NMNAT2: variants seen among roughly 807,000 people sequenced by gnomAD.
NMNAT2 encodes the protein nicotinamide nucleotide adenylyltransferase 2.
In NMNAT2, 11 loss-of-function variants were observed where a neutral mutation model predicts 41.6. That is an observed-to-expected ratio of 0.26 (90% confidence interval 0.17 to 0.44). The LOEUF (loss-of-function observed/expected upper bound fraction) is 0.44. Ranked by LOEUF, NMNAT2 falls within the 20% of genes least tolerant of loss-of-function variation. The pLI is 1.00. For synonymous variants in NMNAT2, 148 were observed against 151.2 expected, an observed-to-expected ratio of 0.98 and a Z score of 0.16; for missense variants, 288 against 407.7, an observed-to-expected ratio of 0.71 and a Z score of 2.53.
intron 1 of NMNAT2, among the ~76,000 whole-genome samples, chr1:183,416,964 C>A (rs1345772927): frequency 5.3e-5 from 8 of 152,290 alleles, no homozygotes; most frequent in Non-Finnish European, 2.9e-5. Flanking sequence ...GCCTTGCTGG[C>A]GGGCCAGGTC....
intron 7 of NMNAT2, 125 bp downstream of exon 7, chr1:183,283,870 C>G: frequency 1.1e-6 from 1 of 889,348 alleles, no homozygotes; most frequent in Non-Finnish European, 1.9e-6. Context: ...ATCCCTCTTC[C>G]GAGAGGAGAC....
intron 1 of NMNAT2, among the ~76,000 whole-genome samples, chr1:183,404,135 G>A (rs572160268): frequency 7.2e-6 from 1 of 138,420 alleles, no homozygotes; most frequent in South Asian, 2.3e-4. Context: ...AGTTCACATC[G>A]TTGCTCAGGC....
chr1:183,278,902 T>A (rs1470865540), intron 7 of NMNAT2, among the ~76,000 whole-genome samples: 1 of 152,184 alleles, frequency 6.6e-6, no homozygotes, highest in Non-Finnish European at 1.5e-5. Context: ...CTGCCCTGGC[T>A]TTCCCAGGAC....
intron 1 of NMNAT2, among the ~76,000 whole-genome samples, chr1:183,338,149 T>TAAA (rs59064477): frequency 0.071 from 6,858 of 96,262 alleles, 753 homozygotes; most frequent in African/African-American, 0.24. Flanking sequence ...CCCATCTCTT[T>TAAA]AAAAAAAAAA....
intron 1 of NMNAT2, among the ~76,000 whole-genome samples, chr1:183,415,318 G>A (rs530803847): frequency 3.6e-4 from 55 of 152,246 alleles, no homozygotes; most frequent in Admixed American, 1.6e-3. Context: ...AATTATTTCC[G>A]TGTTGTCACA....
intron 1 of NMNAT2, among the ~76,000 whole-genome samples, chr1:183,352,439 T>C (rs1357559700): frequency 6.6e-6 from 1 of 151,812 alleles, no homozygotes; most frequent in Non-Finnish European, 1.5e-5. Flanking sequence ...GGCATGCGCC[T>C]GCAATCCCAA....
chr1:183,278,031 G>A (rs1230765622), intron 8 of NMNAT2, among the ~76,000 whole-genome samples: 1 of 152,164 alleles, frequency 6.6e-6, no homozygotes, highest in Non-Finnish European at 1.5e-5. Flanking sequence ...GGCAACAAAA[G>A]GTGTCATTGA....
At chr1:183,327,309 G>A (rs1662490556) in intron 1 of NMNAT2, among the ~76,000 whole-genome samples, 1 of 152,126 alleles carries the variant, frequency 6.6e-6, no homozygotes, top group South Asian at 2.1e-4. Flanking sequence ...GCCTGCCTCG[G>A]CCTTCCAAAG....
intron 1 of NMNAT2, among the ~76,000 whole-genome samples, chr1:183,405,878 G>A (rs1648942106): frequency 6.6e-6 from 1 of 152,222 alleles, no homozygotes; most frequent in Non-Finnish European, 1.5e-5. Flanking sequence ...TATTCCCAGT[G>A]TGTGGTTGAC....
rs541101164 is a variant in NMNAT2, at chr1:183,258,276, C to T, written c.821+2726G>A. Among the ~76,000 whole-genome samples, 8 of 152,332 alleles carry T rather than the reference C, an allele frequency of 5.3e-5. No individual in the cohort carries two copies. The South Asian group carries it at 1.7e-3, about 32-fold the overall frequency. On this transcript the variant is annotated intron_variant, in intron 10 of 10. Coordinates refer to ENST00000287713, the MANE Select transcript of NMNAT2 (RefSeq NM_015039.4). The stretch of plus-strand genomic sequence containing the variant: ...TATTTGTAAAAATTCATATACGCCT[C>T]CACATACGTAGATTCTAAAAGGCAT...
intron 1 of NMNAT2, among the ~76,000 whole-genome samples, chr1:183,382,693 G>T (rs1663828006): frequency 6.6e-6 from 1 of 152,210 alleles, no homozygotes; most frequent in African/African-American, 2.4e-5. Context: ...CAGTAGGGCA[G>T]TCATTAAATA....
intron 1 of NMNAT2, among the ~76,000 whole-genome samples, chr1:183,314,530 G>A (rs1342945706): frequency 6.6e-6 from 1 of 152,222 alleles, no homozygotes; most frequent in Non-Finnish European, 1.5e-5. Context: ...CTGATGCTCA[G>A]TTACTGTTTG....
intron 6 of NMNAT2, 86 bp downstream of exon 6, chr1:183,284,624 T>C: frequency 1.7e-6 from 2 of 1,144,038 alleles, no homozygotes; most frequent in South Asian, 2.5e-5. Flanking sequence ...GTGGGGGGAA[T>C]GTGCTTGAGG....
intron 1 of NMNAT2, among the ~76,000 whole-genome samples, chr1:183,297,977 G>T (rs552972425): frequency 1.3e-5 from 2 of 152,238 alleles, no homozygotes; most frequent in Admixed American, 6.5e-5. Flanking sequence ...AATTGATGCA[G>T]AAAAAGCGTT....
intron 4 of NMNAT2, among the ~76,000 whole-genome samples, chr1:183,287,095 C>T (rs1661420156): frequency 1.3e-5 from 2 of 152,050 alleles, no homozygotes; most frequent in Admixed American, 1.3e-4. Context: ...GGAGTCTAAC[C>T]ATATATCTGT....
chr1:183,351,050 A>G (rs1663036494), intron 1 of NMNAT2, among the ~76,000 whole-genome samples: 1 of 152,188 alleles, frequency 6.6e-6, no homozygotes, highest in Non-Finnish European at 1.5e-5. Context: ...GTTATTAGCC[A>G]ATCTATCGTC....
intron 1 of NMNAT2, among the ~76,000 whole-genome samples, chr1:183,392,585 A>G (rs984286586): frequency 1.3e-5 from 2 of 152,184 alleles, no homozygotes; most frequent in East Asian, 3.8e-4. Flanking sequence ...AATGTTACAT[A>G]AGGCCCTACA....
chr1:183,257,270 G>A (rs577586679), intron 10 of NMNAT2, among the ~76,000 whole-genome samples: 2 of 152,012 alleles, frequency 1.3e-5, no homozygotes, highest in South Asian at 4.2e-4. Flanking sequence ...GTAAAACCCT[G>A]TCTCTACCAA....
intron 1 of NMNAT2, among the ~76,000 whole-genome samples, chr1:183,323,930 T>A (rs951473821): frequency 3.3e-5 from 5 of 152,058 alleles, no homozygotes; most frequent in Admixed American, 1.3e-4. Flanking sequence ...AGGAGTTTAT[T>A]TAGGCAAATG....
Sources: allele counts gnomAD v4.1 joint callset (sites outside exome capture counted in the v4.1 genomes callset), GRCh38; gene constraint gnomAD v4.1.1; transcripts MANE v1.5; gene names NCBI Gene and HGNC (gene_info 2026-07-23, HGNC 2026-07-21).